Variants in OPTN observed in about 807,000 individuals in gnomAD.
OPTN encodes E3-14.7K-interacting protein.
A neutral mutation model predicts 70.4 loss-of-function variants in OPTN; 54 were observed. That is an observed-to-expected ratio of 0.77 (90% CI 0.62 to 0.96). OPTN has a LOEUF of 0.96. OPTN is among the 40% of genes least tolerant of loss of function. The probability of loss-of-function intolerance (pLI) is 0.00; values close to 1 mark genes in which losing one functional copy is unlikely to be tolerated. For missense variants in OPTN, 624 were observed against 673.2 expected, an observed-to-expected ratio of 0.93 and a Z score of 0.81; for synonymous variants, 256 against 248.5, an observed-to-expected ratio of 1.03 and a Z score of -0.28.
chr10:13,122,638 C>T, intron 8 of OPTN, 151 bp downstream of exon 8: 1 of 710,086 alleles, frequency 1.4e-6, no homozygotes, highest in Non-Finnish European at 2.6e-6. Flanking sequence ...TTTATATGTC[C>T]TTGTCCTGCT....
chr10:13,116,612 G>T, intron 6 of OPTN: 1 of 509,036 alleles, frequency 2.0e-6, no homozygotes, highest in South Asian at 2.1e-5. Flanking sequence ...AAAGCAAACT[G>T]GTTCTCAATC....
intron 6 of OPTN, among the ~76,000 whole-genome samples, chr10:13,118,226 G>A (rs775900847): frequency 1.3e-5 from 2 of 152,328 alleles, no homozygotes; most frequent in South Asian, 2.1e-4. Context: ...TTAGCTATGC[G>A]AACCTGAGTC....
intron 14 of OPTN, among the ~76,000 whole-genome samples, chr10:13,133,965 C>T (rs1833646559): frequency 6.6e-6 from 1 of 152,208 alleles, no homozygotes; most frequent in Admixed American, 6.5e-5. Flanking sequence ...TGCACCGCCA[C>T]ACCCAGCTAA....
At chr10:13,115,467 TAGAA>T (rs1833167590) in intron 5 of OPTN, among the ~76,000 whole-genome samples, 1 of 102,696 alleles carries the variant, frequency 9.7e-6, no homozygotes, top group African/African-American at 4.7e-5. Flanking sequence ...TTATATAATA[TAGAA>T]TATATATAAT....
chr10:13,109,168 C>T lies in OPTN; in HGVS notation c.46C>T (p.Pro16Ser). The change falls in exon 3 of 15, where the codon CCC (proline) becomes TCC (serine). Residue 16 changes from proline to serine, a missense_variant. By Grantham distance (74) the Pro-to-Ser change is moderately conservative (BLOSUM62 -1). Coordinates refer to ENST00000378747, the MANE Select transcript of OPTN (RefSeq NM_001008212.2). The stretch of plus-strand genomic sequence containing the variant: ...CTGCCTCACTGAAAAGGAGGACAGC[C>T]CCAGTGAAAGCACAGGAAATGGACC... ...LSCLTEKEDSPSESTGNGPPH... is the reference protein window; with the variant it reads ...LSCLTEKEDSSSESTGNGPPH... The T allele has an allele frequency of 6.2e-7, 1 of 1,613,988 alleles. No homozygotes were observed. The highest frequency in any genetic ancestry group is 8.5e-7 in the Non-Finnish European group (1 of 1,179,994).
intron 12 of OPTN, 106 bp from the exon 13 acceptor site, chr10:13,131,959 TTC>T (rs1382632653): frequency 1.8e-6 from 2 of 1,111,944 alleles, no homozygotes; most frequent in Non-Finnish European, 1.3e-6. Flanking sequence ...GCATCTGTGA[TTC>T]ACAAGGGCTA....
rs1564358690 is a variant in OPTN, at chr10:13,114,790, A to G, written c.553-1477A>G. ...TATAATTATATAATTATATAATTAT[A>G]TAATTATATATACATATATATAATT... is the stretch of plus-strand genomic sequence containing the variant. On this transcript the variant is annotated intron_variant, in intron 5 of 14. Transcript: ENST00000378747. Among the ~76,000 whole-genome samples, 201 of 105,452 alleles carry G rather than the reference A, an allele frequency of 1.9e-3. 3 individuals are homozygous for G. Among genetic ancestry groups the G allele is most frequent in the African/African-American group, 7.0e-3 (190 of 27,126 alleles). The allele number at this position is 105,452 out of a possible 152,430, so 69.2% of individuals were successfully genotyped here.
At chr10:13,107,502 C>T (rs985325573) in intron 1 of OPTN, among the ~76,000 whole-genome samples, 3 of 150,308 alleles carry the variant, frequency 2.0e-5, no homozygotes, top group Non-Finnish European at 3.0e-5. Context: ...CCGCAGCCTC[C>T]GGAGTAGCTG....
chr10:13,110,755 A>T (rs890196239), intron 4 of OPTN, among the ~76,000 whole-genome samples: 2 of 152,232 alleles, frequency 1.3e-5, no homozygotes, highest in African/African-American at 2.4e-5. Flanking sequence ...TGTATTCATT[A>T]TAGATGGTGC....
chr10:13,111,466 G>A (rs1564356501), intron 4 of OPTN, among the ~76,000 whole-genome samples: 3 of 152,134 alleles, frequency 2.0e-5, no homozygotes, highest in African/African-American at 7.2e-5. Context: ...GGGAGGCTAG[G>A]GTGGGCAGAT....
intron 13 of OPTN, among the ~76,000 whole-genome samples, chr10:13,133,017 G>C (rs534104437): frequency 6.6e-6 from 1 of 152,084 alleles, no homozygotes; most frequent in East Asian, 1.9e-4. Flanking sequence ...GTGCTGTTAG[G>C]AATTTGGTGG....
chr10:13,116,640 C>T (rs1833215549), intron 6 of OPTN: 2 of 449,324 alleles, frequency 4.5e-6, no homozygotes, highest in African/African-American at 2.0e-5. Flanking sequence ...TGATTTGTTC[C>T]TAATCAAAGA....
In OPTN at chr10:13,136,826, T is replaced by TA. The variant is rs758312409; in HGVS notation, c.1695dup (p.Asp566ArgfsTer25). The TA allele has an allele frequency of 6.2e-7, 1 of 1,614,204 alleles. No homozygotes were observed. Among genetic ancestry groups the TA allele is most frequent in the South Asian group, 1.1e-5 (1 of 91,082 alleles). Reference sequence around the variant, plus strand: ...AAGTGTGGAGAGGTTCTGCCTGACATAGACACGTTACAGATTCACGTGATG... The same window carrying TA: ...AAGTGTGGAGAGGTTCTGCCTGACATAAGACACGTTACAGATTCACGTGATG... On this transcript the variant is annotated frameshift_variant, in exon 15 of 15. Coordinates refer to ENST00000378747, the MANE Select transcript of OPTN (RefSeq NM_001008212.2). LOFTEE classifies it high-confidence loss of function.
intron 1 of OPTN, chr10:13,104,888 G>T: frequency 3.4e-6 from 1 of 291,326 alleles, no homozygotes; most frequent in Non-Finnish European, 6.5e-6. Flanking sequence ...CCGACCGCAG[G>T]ACCGGGAGGC....
intron 6 of OPTN, among the ~76,000 whole-genome samples, chr10:13,117,539 G>A (rs559393059): frequency 8.4e-5 from 12 of 142,184 alleles, no homozygotes; most frequent in African/African-American, 2.9e-4. Context: ...TCTGCCTCCC[G>A]GGTACAAGCA....
At chr10:13,136,323 C>T (rs1452435414) in intron 14 of OPTN, among the ~76,000 whole-genome samples, 2 of 152,100 alleles carry the variant, frequency 1.3e-5, no homozygotes, top group Non-Finnish European at 2.9e-5. Context: ...GTCTGGCCAA[C>T]ATGGCAAAAC....
intron 1 of OPTN, among the ~76,000 whole-genome samples, chr10:13,107,589 G>T (rs1468276954): frequency 6.6e-6 from 1 of 151,696 alleles, no homozygotes; most frequent in African/African-American, 2.4e-5. Context: ...CACCGTGTTA[G>T]CCAGGATGGT....
intron 6 of OPTN, among the ~76,000 whole-genome samples, chr10:13,116,815 C>T (rs1388728925): frequency 6.6e-6 from 1 of 152,194 alleles, no homozygotes; most frequent in Non-Finnish European, 1.5e-5. Context: ...CACTCTCAGT[C>T]ATTGTGGGTG....
intron 4 of OPTN, among the ~76,000 whole-genome samples, chr10:13,111,205 C>T (rs548260105): frequency 1.3e-5 from 2 of 152,114 alleles, no homozygotes; most frequent in Admixed American, 6.5e-5. Context: ...GTGGTGGGAA[C>T]GTTTTTTCCT....
Sources: allele counts gnomAD v4.1 joint callset (sites outside exome capture counted in the v4.1 genomes callset), GRCh38; gene constraint gnomAD v4.1.1; transcripts MANE v1.5; gene names NCBI Gene and HGNC (gene_info 2026-07-23, HGNC 2026-07-21).